SS18: variants seen among roughly 807,000 people sequenced by gnomAD.
The protein encoded by SS18 is SS18 subunit of BAF chromatin remodeling complex.
SS18 carries 28 observed loss-of-function variants against 72.5 expected under a neutral mutation model. The ratio of observed to expected loss-of-function variants is 0.39; its 90% CI spans 0.29 to 0.53. The LOEUF (loss-of-function observed/expected upper bound fraction) is 0.53. SS18 is among the 20% of genes least tolerant of loss of function. The pLI is 0.76. For synonymous variants in SS18, 172 were observed against 164.2 expected (o/e 1.05, Z -0.37); for missense variants, 518 against 535.3 (o/e 0.97, Z 0.32).
chr18:26,038,237 T>C (rs1432475838), intron 7 of SS18, among the ~76,000 whole-genome samples: 1 of 152,078 alleles, frequency 6.6e-6, no homozygotes, highest in East Asian at 1.9e-4. Flanking sequence ...GAAGCTCTTA[T>C]TAAAAAAAAG....
chr18:26,045,333 T>A (rs969154835), intron 5 of SS18, among the ~76,000 whole-genome samples: 1 of 152,134 alleles, frequency 6.6e-6, no homozygotes, highest in Non-Finnish European at 1.5e-5. Context: ...CCTTCAACTA[T>A]CTCTTGGACC....
chr18:26,038,751 C>T (rs2053669698), intron 6 of SS18, 92 bp from the exon 7 acceptor site: 1 of 1,190,096 alleles, frequency 8.4e-7, no homozygotes, highest in East Asian at 2.4e-5. Flanking sequence ...AAGATTATTT[C>T]TCAACTATAG....
chr18:26,073,231 A>C (rs1467217290), intron 3 of SS18, among the ~76,000 whole-genome samples: 1 of 152,212 alleles, frequency 6.6e-6, no homozygotes, highest in Non-Finnish European at 1.5e-5. Context: ...CAACCAATGC[A>C]TTAAAAAATA....
intron 4 of SS18, among the ~76,000 whole-genome samples, chr18:26,054,135 A>G (rs1357910950): frequency 1.3e-5 from 2 of 152,228 alleles, no homozygotes; most frequent in African/African-American, 4.8e-5. Flanking sequence ...TGCTATGTAC[A>G]TAGTCACTAT....
intron 5 of SS18, among the ~76,000 whole-genome samples, chr18:26,052,049 G>A (rs894435689): frequency 2.0e-5 from 3 of 152,148 alleles, no homozygotes; most frequent in Non-Finnish European, 4.4e-5. Flanking sequence ...AGAACAGAGC[G>A]CCACTTACTG....
At position 26,016,954 on chromosome 18, in the gene SS18, T is replaced by C; in HGVS notation, c.*1400A>G. 4.4e-6 allele frequency: 1 copy of C among 225,458 alleles called. No homozygotes were observed. Among genetic ancestry groups the C allele is most frequent in the Non-Finnish European group, 8.9e-6 (1 of 112,922 alleles). The allele number at this position is 225,458 out of a possible 1,614,324, so 14.0% of individuals were successfully genotyped here. A position where few individuals can be genotyped will look rare whatever the true frequency, so the allele number is the denominator to read the frequency against. ...CCAATTCAATTATAAAGAATACATC[T>C]TATTCCCTGGGCATAGGCAACTGTG... On this transcript the variant is annotated 3_prime_UTR_variant, in exon 11 of 11. Transcript: ENST00000415083.
At position 26,018,009 on chromosome 18, in the gene SS18, A is replaced by G. The variant is rs1387355444; in HGVS notation, c.*345T>C. ...AAAAAAATCTGTGGAAAAGTATTAA[A>G]TTCCCTTACCCTTCATAAACATACA... is the stretch of plus-strand genomic sequence containing the variant. On this transcript the variant is annotated 3_prime_UTR_variant, in exon 11 of 11. Transcript: ENST00000415083. 5 of 250,180 alleles carry G rather than the reference A, an allele frequency of 2.0e-5. No individual in the cohort carries two copies. The highest frequency in any genetic ancestry group is 2.3e-5 in the Non-Finnish European group (3 of 129,404). The allele number at this position is 250,180 out of a possible 1,614,324, so 15.5% of individuals were successfully genotyped here.
intron 10 of SS18, among the ~76,000 whole-genome samples, chr18:26,030,731 T>C (rs990618000): frequency 6.6e-6 from 1 of 151,582 alleles, no homozygotes; most frequent in African/African-American, 2.4e-5. Context: ...GAGCTGAAAC[T>C]GGGTTGAGAA....
intron 10 of SS18, 103 bp from the exon 11 acceptor site, chr18:26,018,483 C>G: frequency 1.1e-6 from 1 of 925,980 alleles, no homozygotes; most frequent in South Asian, 1.8e-5. Context: ...CACAAAAAAG[C>G]AGCCGTACCT....
intron 1 of SS18, among the ~76,000 whole-genome samples, chr18:26,089,485 T>C (rs774681803): frequency 1.3e-5 from 2 of 152,272 alleles, no homozygotes; most frequent in Non-Finnish European, 2.9e-5. Context: ...CTACGTGGTC[T>C]GAGTGGTACT....
chr18:26,069,709 T>G (rs1252280975), intron 3 of SS18, among the ~76,000 whole-genome samples: 1 of 152,170 alleles, frequency 6.6e-6, no homozygotes, highest in Non-Finnish European at 1.5e-5. Flanking sequence ...TTTCAGACTG[T>G]GAGCCTTAAA....
chr18:26,030,775 T>A (rs1253828078), intron 10 of SS18, among the ~76,000 whole-genome samples: 1 of 151,832 alleles, frequency 6.6e-6, no homozygotes, highest in Non-Finnish European at 1.5e-5. Context: ...TAGAGGGCAG[T>A]ATGATTCAGA....
chr18:26,049,472 A>C lies in SS18; in HGVS notation c.607+3152T>G, dbSNP rs143441972. On this transcript the variant is annotated intron_variant, in intron 5 of 10. Transcript: ENST00000415083. Reference sequence around the variant, plus strand: ...GAAGTTTATGCTCTATATGCAAATAAGTTTATGTAGGAAGATGGTGGTTTA... The same window carrying C: ...GAAGTTTATGCTCTATATGCAAATACGTTTATGTAGGAAGATGGTGGTTTA... Among the ~76,000 whole-genome samples the C allele has an allele frequency of 8.3e-3, 1,258 of 152,290 alleles. 17 individuals carry two copies. The highest frequency in any genetic ancestry group is 0.029 in the African/African-American group (1,201 of 41,546).
At chr18:26,026,087 A>G (rs2053440854) in intron 10 of SS18, among the ~76,000 whole-genome samples, 1 of 152,184 alleles carries the variant, frequency 6.6e-6, no homozygotes, top group Admixed American at 6.5e-5. Flanking sequence ...CAGCATTGTG[A>G]AGTCAAAAAA....
In SS18 at chr18:26,039,350, A is replaced by G; in HGVS notation, c.714T>C (p.Val238=). The G allele has an allele frequency of 6.2e-7, 1 of 1,613,890 alleles. No individual in the cohort carries two copies. Among genetic ancestry groups the G allele is most frequent in the Non-Finnish European group, 8.5e-7 (1 of 1,179,886 alleles). Residue 238 remains valine (V), a synonymous_variant, in exon 6 of 11, where the codon GTT becomes GTC. Transcript: ENST00000415083. ...QQPPMGMMGQ[V]NQGNHMMGQR... is the part of the protein sequence containing the mutation. Reference sequence around the variant, plus strand: ...GACCCATCATATGATTGCCTTGGTTAACTTGACCCATCATTCCCATAGGTG... The same window carrying G: ...GACCCATCATATGATTGCCTTGGTTGACTTGACCCATCATTCCCATAGGTG...
At chr18:26,072,503 A>G (rs1174273119) in intron 3 of SS18, among the ~76,000 whole-genome samples, 3 of 152,318 alleles carry the variant, frequency 2.0e-5, no homozygotes, top group Non-Finnish European at 4.4e-5. Flanking sequence ...AAGCATTACT[A>G]AAGATAAGAA....
intron 3 of SS18, among the ~76,000 whole-genome samples, chr18:26,067,808 T>C (rs2054246198): frequency 6.6e-6 from 1 of 152,106 alleles, no homozygotes; most frequent in African/African-American, 2.4e-5. Flanking sequence ...AGACCAGTGG[T>C]CCCCAACCTT....
intron 5 of SS18, among the ~76,000 whole-genome samples, chr18:26,051,753 A>AT (rs1309623127): frequency 6.6e-6 from 1 of 152,150 alleles, no homozygotes; most frequent in Non-Finnish European, 1.5e-5. Context: ...ATGATTGGCA[A>AT]TTTTTTCTAT....
chr18:26,069,857 T>C (rs150503357), intron 3 of SS18, among the ~76,000 whole-genome samples: 2 of 152,358 alleles, frequency 1.3e-5, no homozygotes, highest in Non-Finnish European at 2.9e-5. Context: ...ACTTTGTATA[T>C]GCTAATACTA....
Sources: allele counts gnomAD v4.1 joint callset (sites outside exome capture counted in the v4.1 genomes callset), GRCh38; gene constraint gnomAD v4.1.1; transcripts MANE v1.5; gene names NCBI Gene and HGNC (gene_info 2026-07-23, HGNC 2026-07-21).